Variants in JAKMIP1 observed in about 807,000 individuals in gnomAD.
The protein encoded by JAKMIP1 is janus kinase and microtubule interacting protein 1, also known as janus kinase and microtubule-interacting protein 1.
Under a neutral mutation model 113.0 loss-of-function variants are expected in JAKMIP1, and 33 were observed. The observed-to-expected ratio is 0.29, with a 90% CI of 0.22 to 0.39. JAKMIP1 has a LOEUF of 0.39. Among genes scored for constraint, JAKMIP1 ranks in the 10% least tolerant of loss-of-function variants. JAKMIP1 has a pLI of 1.00. For missense variants in JAKMIP1, 813 were observed against 1,080.5 expected (o/e 0.75, Z 3.47); for synonymous variants, 480 against 459.9 (o/e 1.04, Z -0.56).
rs1662631497 is a variant in JAKMIP1 at position 6,086,845 on chromosome 4, A to G, written c.625-1216T>C. On this transcript the variant is annotated intron_variant, in intron 3 of 20. Coordinates refer to ENST00000409021, the MANE Select transcript of JAKMIP1 (RefSeq NM_001099433.2). The surrounding 1 kb of genome is among the most constrained non-coding windows in gnomAD (Gnocchi z 4.1). ...ACACAGAGGGGAAGGCCGTGTAAGG[A>G]CGGAGGCAGAGGCTGGAGGGACACA... is the stretch of plus-strand genomic sequence containing the variant. Among the ~76,000 whole-genome samples, 6 of 152,024 alleles carry G rather than the reference A, an allele frequency of 3.9e-5. No homozygotes were observed. The highest frequency in any genetic ancestry group is 3.9e-4 in the Admixed American group (6 of 15,266).
At chr4:6,190,390 C>T (rs1212909727) in intron 1 of JAKMIP1, among the ~76,000 whole-genome samples, 2 of 152,174 alleles carry the variant, frequency 1.3e-5, no homozygotes, top group African/African-American at 4.8e-5. Context: ...ATTGTATTAA[C>T]AAAGTCCCCA....
rs147843737 is a variant in JAKMIP1, at chr4:6,158,389, G to A, written c.-148+41864C>T. On this transcript the variant is annotated intron_variant, in intron 1 of 20. Coordinates refer to ENST00000409021, the MANE Select transcript of JAKMIP1 (RefSeq NM_001099433.2). This position sits in a 1 kb window ranked among gnomAD's most constrained non-coding sequence, Gnocchi z 5.3. The stretch of plus-strand genomic sequence containing the variant: ...ATCTCAGTGATGGCCACAGGTGAAC[G>A]TGGCTCCAGGAAGGCTTCCAGAGGC... Among the ~76,000 whole-genome samples the A allele has an allele frequency of 2.8e-3, 425 of 152,300 alleles. No individual in the cohort carries two copies. The highest frequency in any genetic ancestry group is 8.4e-3 in the African/African-American group (350 of 41,554).
chr4:6,196,169 C>T (rs891447571), intron 1 of JAKMIP1, among the ~76,000 whole-genome samples: 4 of 152,176 alleles, frequency 2.6e-5, no homozygotes, highest in African/African-American at 9.7e-5. Flanking sequence ...CACCACGGGC[C>T]CTTTCTCCTC....
chr4:6,083,129 G>A (rs529446389), intron 5 of JAKMIP1, among the ~76,000 whole-genome samples: 193 of 152,224 alleles, frequency 1.3e-3, no homozygotes, highest in African/African-American at 4.5e-3. Context: ...GAGGCCAGGC[G>A]CGGTGGCTCA....
rs965208936 is a variant in JAKMIP1 at position 6,199,194 on chromosome 4, G to A, written c.-148+1059C>T. ...AGTGTGCGCAGATGGGGCGGGCGGC[G>A]GAGGAGGGCTGGCGGTTAGATACAG... On this transcript the variant is annotated intron_variant, in intron 1 of 20. Transcript: ENST00000409021. This position sits in a 1 kb window ranked among gnomAD's most constrained non-coding sequence, Gnocchi z 5.6. Among the ~76,000 whole-genome samples, 4 of 152,246 alleles carry A rather than the reference G, an allele frequency of 2.6e-5. No individual in the cohort carries two copies. The highest frequency in any genetic ancestry group is 6.5e-5 in the Admixed American group (1 of 15,288).
intron 3 of JAKMIP1, among the ~76,000 whole-genome samples, chr4:6,096,880 T>C (rs1011467481): frequency 1.3e-5 from 2 of 152,230 alleles, no homozygotes; most frequent in African/African-American, 4.8e-5. Context: ...ATATTTTTAA[T>C]AATTTTGTAC....
At chr4:6,084,744 A>T in intron 5 of JAKMIP1, 102 bp downstream of exon 5, 1 of 1,212,888 alleles carries the variant, frequency 8.2e-7, no homozygotes, top group Non-Finnish European at 1.1e-6. Flanking sequence ...TCAGAGAACC[A>T]GAAGGCTTCT....
chr4:6,038,348 T>C (rs59852565), intron 18 of JAKMIP1, among the ~76,000 whole-genome samples: 1,411 of 105,694 alleles, frequency 0.013, 10 homozygotes, highest in African/African-American at 0.028. Context: ...GAGGCAGAGG[T>C]TAACCCAGTA....
intron 1 of JAKMIP1, among the ~76,000 whole-genome samples, chr4:6,174,119 T>G (rs188425124): frequency 2.0e-5 from 3 of 152,176 alleles, no homozygotes; most frequent in African/African-American, 7.2e-5. Context: ...ATCAGAAATT[T>G]TATCACTGAT....
intron 9 of JAKMIP1, 23 bp from the exon 10 acceptor site, chr4:6,062,463 C>G: frequency 6.3e-7 from 1 of 1,594,550 alleles, no homozygotes; most frequent in Non-Finnish European, 8.6e-7. Flanking sequence ...GAGAAGAAAA[C>G]AAATAATCAA....
chr4:6,027,463 A>C (rs1377389574), intron 20 of JAKMIP1, among the ~76,000 whole-genome samples: 2 of 152,188 alleles, frequency 1.3e-5, no homozygotes, highest in Non-Finnish European at 2.9e-5. Context: ...GGGGTGTGGC[A>C]GGAAAGAGTT....
rs771263865 is a variant in JAKMIP1 at position 6,050,516 on chromosome 4, G to A, written c.1908+62C>T. On this transcript the variant is annotated intron_variant, in intron 14 of 20. Coordinates refer to ENST00000409021, the MANE Select transcript of JAKMIP1 (RefSeq NM_001099433.2). This position sits in a 1 kb window ranked among gnomAD's most constrained non-coding sequence, Gnocchi z 7.4. ...ATCCCAGCACTCCCCCTTTGCAGCT[G>A]AGCCGGGCACTGAGCGAGCCCTTGG... 1 of 1,153,358 alleles carries A rather than the reference G, an allele frequency of 8.7e-7. No homozygotes were observed. The highest frequency in any genetic ancestry group is 1.3e-6 in the Non-Finnish European group (1 of 794,188). 71.4% of individuals were successfully genotyped at this position (1,153,358 alleles called of 1,614,324 possible). A position where few individuals can be genotyped will look rare whatever the true frequency, so the allele number is the denominator to read the frequency against.
intron 8 of JAKMIP1, among the ~76,000 whole-genome samples, chr4:6,073,841 A>C (rs1009644440): frequency 2.0e-5 from 3 of 152,194 alleles, no homozygotes; most frequent in Admixed American, 6.5e-5. Flanking sequence ...CTTTCAACCA[A>C]GGTGTGTGCG....
Position 6,129,454 on chromosome 4 carries a change from A to G in JAKMIP1, c.-147-16457T>C. ...ATCTCTATGATCTACAAGGTTTGAG[A>G]TCACATTGAAGTCGACTGGTTAAAC... On this transcript the variant is annotated intron_variant, in intron 1 of 20. Transcript: ENST00000409021. The surrounding 1 kb of genome is among the most constrained non-coding windows in gnomAD (Gnocchi z 5.4). Among the ~76,000 whole-genome samples the G allele has an allele frequency of 6.6e-6, 1 of 152,170 alleles. No individual in the cohort carries two copies. Among genetic ancestry groups the G allele is most frequent in the Admixed American group, 6.5e-5 (1 of 15,276 alleles).
At chr4:6,030,236 G>T (rs548971562) in intron 19 of JAKMIP1, among the ~76,000 whole-genome samples, 5 of 152,092 alleles carry the variant, frequency 3.3e-5, no homozygotes, top group Admixed American at 6.5e-5. Flanking sequence ...CTGCAGCCTG[G>T]GGGATGGGGG....
At chr4:6,145,774 T>C (rs1459520159) in intron 1 of JAKMIP1, among the ~76,000 whole-genome samples, 3 of 152,204 alleles carry the variant, frequency 2.0e-5, no homozygotes, top group African/African-American at 7.2e-5. Flanking sequence ...AGATCCTCCT[T>C]GGCTTGTAGA....
intron 18 of JAKMIP1, among the ~76,000 whole-genome samples, chr4:6,036,571 A>T (rs1172154034): frequency 1.3e-5 from 2 of 152,208 alleles, no homozygotes; most frequent in Admixed American, 1.3e-4. Flanking sequence ...ACTCTAGCCC[A>T]AAGCAAATAG....
At chr4:6,075,779 G>A (rs1003410190) in intron 8 of JAKMIP1, among the ~76,000 whole-genome samples, 24 of 152,230 alleles carry the variant, frequency 1.6e-4, no homozygotes, top group Admixed American at 1.4e-3. Context: ...ACAGTGGGCA[G>A]GACAGACACA....
intron 1 of JAKMIP1, among the ~76,000 whole-genome samples, chr4:6,146,531 C>A (rs770167794): frequency 6.6e-6 from 1 of 152,124 alleles, no homozygotes; most frequent in Non-Finnish European, 1.5e-5. Context: ...TAGGCTCAAG[C>A]GATCCTCCCG....
Sources: allele counts gnomAD v4.1 joint callset (sites outside exome capture counted in the v4.1 genomes callset), GRCh38; gene constraint gnomAD v4.1.1; non-coding constraint Gnocchi (gnomAD v3.1); transcripts MANE v1.5; gene names NCBI Gene and HGNC (gene_info 2026-07-23, HGNC 2026-07-21).